Variants in AR observed in about 807,000 individuals in gnomAD.
AR encodes dihydrotestosterone receptor.
A neutral mutation model predicts 53.9 loss-of-function variants in AR; 8 were observed. The observed-to-expected ratio is 0.15, with a 90% CI of 0.09 to 0.27. The LOEUF is 0.27. AR is among the 10% of genes least tolerant of loss of function. The pLI, the probability that AR is intolerant of heterozygous loss-of-function variation, is 1.00. For synonymous variants in AR, 359 were observed against 316.4 expected, an observed-to-expected ratio of 1.13 and a Z score of -1.43; for missense variants, 639 against 742.5, an observed-to-expected ratio of 0.86 and a Z score of 1.62.
At chrX:67,629,958 T>C (rs1183303726) in intron 1 of AR, among the ~76,000 whole-genome samples, 1 of 111,650 alleles carries the variant, frequency 9.0e-6, no homozygotes, top group African/African-American at 3.3e-5. Flanking sequence ...TTGAGTGAGA[T>C]TCTTAATACT....
At chrX:67,577,924 C>T (rs1418652619) in intron 1 of AR, among the ~76,000 whole-genome samples, 2 of 111,483 alleles carry the variant, frequency 1.8e-5, no homozygotes, top group African/African-American at 3.3e-5. Context: ...CAAGCATTTG[C>T]GTTGTTCTAC....
intron 1 of AR, among the ~76,000 whole-genome samples, chrX:67,604,196 A>ATGTG (rs1491359572): frequency 6.8e-5 from 5 of 73,820 alleles, no homozygotes; most frequent in Admixed American, 4.7e-4. Context: ...CTGGGGAGAA[A>ATGTG]TATGTGTGTG....
In AR at chrX:67,546,252, T is replaced by G; in HGVS notation, c.1106T>G (p.Leu369Arg). Reference protein sequence around the residue: ...YQSRDYYNFPLALAGPPPPPP... With the variant: ...YQSRDYYNFPRALAGPPPPPP... Reference sequence around the variant, plus strand: ...AGTCGCGACTACTACAACTTTCCACTGGCTCTGGCCGGACCGCCGCCCCCT... The same window carrying G: ...AGTCGCGACTACTACAACTTTCCACGGGCTCTGGCCGGACCGCCGCCCCCT... The change falls in exon 1 of 8, where the codon CTG becomes CGG. Residue 369 changes from leucine (L) to arginine (R), a missense_variant. This residue lies in a region of AR where 423 missense variants were observed against 377.0 expected (regional missense o/e 1.12). Transcript: ENST00000374690. 8.3e-7 allele frequency: 1 copy of G among 1,210,015 alleles called. No individual in the cohort carries two copies. The highest frequency in any genetic ancestry group is 1.1e-6 in the Non-Finnish European group (1 of 894,843).
rs533784386 is a variant in AR, at chrX:67,546,172, G to C, written c.1026G>C (p.Pro342=). Residue 342 remains proline (P), a synonymous_variant, in exon 1 of 8, where the codon CCG becomes CCC. Transcript: ENST00000374690. ...GGAGCTCCGGGACACTTGAACTGCCGTCTACCCTGTCTCTCTACAAGTCCG... is the reference window on the plus strand; with the variant it reads ...GGAGCTCCGGGACACTTGAACTGCCCTCTACCCTGTCTCTCTACAAGTCCG... The part of the protein sequence containing the change: ...AAGSSGTLEL[P]STLSLYKSGA... 2 of 1,211,936 alleles carry C rather than the reference G, an allele frequency of 1.7e-6. No individual in the cohort carries two copies. Among genetic ancestry groups the C allele is most frequent in the Non-Finnish European group, 2.2e-6 (2 of 895,542 alleles).
At position 67,557,615 on chromosome X, in the gene AR, A is replaced by G. The variant is rs1602153543; in HGVS notation, c.1616+10853A>G. On this transcript the variant is annotated intron_variant, in intron 1 of 7. Transcript: ENST00000374690. The stretch of plus-strand genomic sequence containing the variant: ...CTTTCCTTTTACTTTATAGAGGTCT[A>G]TAGAAGGGTAGGGACTTATCCAAGG... 4.5e-5 allele frequency among the ~76,000 whole-genome samples: 5 copies of G among 111,656 alleles called. No homozygotes were observed. In the South Asian group the frequency reaches 1.9e-3, roughly 42 times the overall value.
chrX:67,555,163 C>T (rs1364446080), intron 1 of AR, among the ~76,000 whole-genome samples: 4 of 110,056 alleles, frequency 3.6e-5, no homozygotes, highest in East Asian at 2.9e-4. Context: ...CTGGATTGTA[C>T]GGTATGGATT....
At chrX:67,672,173 G>A (rs934256226) in intron 2 of AR, among the ~76,000 whole-genome samples, 5 of 111,539 alleles carry the variant, frequency 4.5e-5, no homozygotes, top group African/African-American at 9.8e-5. Context: ...ATGTTTTTGC[G>A]TTCTCATAGC....
intron 5 of AR, among the ~76,000 whole-genome samples, chrX:67,721,499 C>T: frequency 9.0e-6 from 1 of 111,391 alleles, no homozygotes; most frequent in South Asian, 3.9e-4. Flanking sequence ...CCATGTGCCT[C>T]CCCCATTGTG....
intron 1 of AR, among the ~76,000 whole-genome samples, chrX:67,631,592 C>G (rs1397156543): frequency 8.9e-6 from 1 of 111,983 alleles, no homozygotes; most frequent in Non-Finnish European, 1.9e-5. Context: ...TGAATGTCCT[C>G]CCATAGCTTG....
intron 1 of AR, among the ~76,000 whole-genome samples, chrX:67,615,827 T>A (rs980512952): frequency 9.0e-6 from 1 of 111,281 alleles, no homozygotes; most frequent in Non-Finnish European, 1.9e-5. Context: ...AATGAAAAAA[T>A]TAAGTGGCAA....
At chrX:67,687,628 G>A (rs1036168008) in intron 3 of AR, among the ~76,000 whole-genome samples, 1 of 111,879 alleles carries the variant, frequency 8.9e-6, no homozygotes, top group African/African-American at 3.2e-5. Context: ...GGGTGACAAA[G>A]TGATTGACAA....
intron 3 of AR, among the ~76,000 whole-genome samples, chrX:67,696,428 A>G (rs1278308832): frequency 9.0e-6 from 1 of 111,710 alleles, no homozygotes; most frequent in African/African-American, 3.3e-5. Context: ...AGTCAGAGAG[A>G]GGAGACTTGG....
chrX:67,546,494 TGTGGTGGTG>T lies in AR; in HGVS notation c.1353_1361del (p.Gly471_Gly473del). 1.1e-6 allele frequency: 1 copy of T among 915,941 alleles called. No homozygotes were observed. 75.5% of individuals were successfully genotyped at this position (915,941 alleles called of 1,213,427 possible). On this transcript the variant is annotated inframe_deletion, in exon 1 of 8. Coordinates refer to ENST00000374690, the MANE Select transcript of AR (RefSeq NM_000044.6). ...CGAAGAAGGCCAGTTGTATGGACCG[TGTGGTGGTG>T]GTGGGGGTGGTGGCGGCGGCGGCGG...
At chrX:67,586,710 G>C (rs1922563438) in intron 1 of AR, among the ~76,000 whole-genome samples, 1 of 111,969 alleles carries the variant, frequency 8.9e-6, no homozygotes, top group African/African-American at 3.2e-5. Context: ...TGCATGCAGA[G>C]ACCAGTTATT....
intron 1 of AR, among the ~76,000 whole-genome samples, chrX:67,571,173 A>G (rs1921796749): frequency 9.0e-6 from 1 of 111,613 alleles, no homozygotes; most frequent in South Asian, 3.7e-4. Flanking sequence ...CTTTGATTAT[A>G]TTATTTTCTG....
At chrX:67,572,823 T>C (rs1260105930) in intron 1 of AR, among the ~76,000 whole-genome samples, 1 of 111,928 alleles carries the variant, frequency 8.9e-6, no homozygotes, top group South Asian at 3.7e-4. Context: ...TAGTTACATA[T>C]ACAAGTCAGC....
At chrX:67,671,992 G>A (rs1602243688) in intron 2 of AR, among the ~76,000 whole-genome samples, 1 of 110,983 alleles carries the variant, frequency 9.0e-6, no homozygotes, top group African/African-American at 3.3e-5. Context: ...GCTGTTTTGG[G>A]TACTGTACCA....
intron 2 of AR, among the ~76,000 whole-genome samples, chrX:67,645,507 A>G (rs747165055): frequency 4.5e-5 from 5 of 110,438 alleles, no homozygotes; most frequent in African/African-American, 1.6e-4. Context: ...GAAATCCAGC[A>G]AGGTTTCAAA....
chrX:67,557,137 T>G lies in AR; in HGVS notation c.1616+10375T>G, dbSNP rs1331968629. Among the ~76,000 whole-genome samples the G allele has an allele frequency of 4.7e-5, 5 of 106,432 alleles. No individual in the cohort carries two copies. In the East Asian group the frequency reaches 1.5e-3, roughly 33 times the overall value. 92.4% of individuals were successfully genotyped at this position (106,432 alleles called of 115,157 possible). A position where few individuals can be genotyped will look rare whatever the true frequency, so the allele number is the denominator to read the frequency against. On this transcript the variant is annotated intron_variant, in intron 1 of 7. Transcript: ENST00000374690. ...TACTGTATGTGGGGGGAAGAGACTG[T>G]GGGAGCAAGGGGGGAAGCAGGGAAA...
Sources: allele counts gnomAD v4.1 joint callset (sites outside exome capture counted in the v4.1 genomes callset), GRCh38; gene constraint gnomAD v4.1.1; regional missense constraint gnomAD v4.1.1; transcripts MANE v1.5; gene names NCBI Gene and HGNC (gene_info 2026-07-23, HGNC 2026-07-21).